Variants in MDGA2 observed in about 807,000 individuals in gnomAD.
The protein encoded by MDGA2 is MAM domain containing glycosylphosphatidylinositol anchor 2.
In MDGA2, 40 loss-of-function variants were observed where a neutral mutation model predicts 117.8. That is an observed-to-expected ratio of 0.34 (90% CI 0.26 to 0.44). The LOEUF is 0.44. Ranked by LOEUF, MDGA2 falls within the 20% of genes least tolerant of loss-of-function variation. The pLI, the probability that MDGA2 is intolerant of heterozygous loss-of-function variation, is 1.00. For synonymous variants in MDGA2, 452 were observed against 439.0 expected (o/e 1.03, Z -0.37); for missense variants, 1,123 against 1,250.6 (o/e 0.90, Z 1.54).
chr14:47,316,779 T>C (rs1594791715), intron 1 of MDGA2, among the ~76,000 whole-genome samples: 1 of 152,092 alleles, frequency 6.6e-6, no homozygotes, highest in East Asian at 1.9e-4. Context: ...AAAAGAAATA[T>C]CCAAACAAGC....
chr14:47,399,431 G>A (rs528296363), intron 1 of MDGA2, among the ~76,000 whole-genome samples: 1 of 152,254 alleles, frequency 6.6e-6, no homozygotes, highest in African/African-American at 2.4e-5. Context: ...AGGAATAATT[G>A]TCCAACATCT....
chr14:47,372,317 AG>A (rs1348143144), intron 1 of MDGA2, among the ~76,000 whole-genome samples: 2 of 151,898 alleles, frequency 1.3e-5, no homozygotes, highest in African/African-American at 4.8e-5. Context: ...AAATATTTGC[AG>A]CACAAATGAT....
intron 1 of MDGA2, among the ~76,000 whole-genome samples, chr14:47,568,570 T>G (rs1238980310): frequency 6.6e-6 from 1 of 152,220 alleles, no homozygotes; most frequent in Non-Finnish European, 1.5e-5. Flanking sequence ...TTTATTCCAA[T>G]TTAAATTTCA....
At chr14:47,312,693 G>GTTTTTTTTTTTTT (rs375332903) in intron 1 of MDGA2, among the ~76,000 whole-genome samples, 1 of 104,364 alleles carries the variant, frequency 9.6e-6, no homozygotes, top group Non-Finnish European at 2.0e-5. Flanking sequence ...TTTTTGTTTT[G>GTTTTTTTTTTTTT]TTTTGTTTTT....
At chr14:47,326,836 T>C (rs1209956099) in intron 1 of MDGA2, among the ~76,000 whole-genome samples, 1 of 152,190 alleles carries the variant, frequency 6.6e-6, no homozygotes, top group Non-Finnish European at 1.5e-5. Context: ...AATAATGTAT[T>C]GTTCCTTCCT....
At chr14:47,034,729 TACACACAC>T (rs59191576) in intron 8 of MDGA2, among the ~76,000 whole-genome samples, 34,265 of 146,756 alleles carry the variant, frequency 0.23, 3,940 homozygotes, top group Admixed American at 0.28. Flanking sequence ...ATAATTATCA[TACACACAC>T]ACACACACAC....
At chr14:46,888,929 T>C (rs1254710921) in intron 10 of MDGA2, among the ~76,000 whole-genome samples, 2 of 152,116 alleles carry the variant, frequency 1.3e-5, no homozygotes, top group East Asian at 3.9e-4. Context: ...ACCATACTGA[T>C]AGTAAAAATA....
intron 6 of MDGA2, among the ~76,000 whole-genome samples, chr14:47,076,944 T>C (rs916201355): frequency 2.6e-5 from 4 of 152,150 alleles, no homozygotes; most frequent in African/African-American, 9.6e-5. Flanking sequence ...TGCACATTTC[T>C]ACTCACCCAT....
At chr14:47,034,045 A>G (rs1379790008) in intron 8 of MDGA2, among the ~76,000 whole-genome samples, 2 of 152,218 alleles carry the variant, frequency 1.3e-5, no homozygotes, top group African/African-American at 4.8e-5. Flanking sequence ...GTTTCACCTA[A>G]TTCATCTGTT....
At chr14:47,028,534 T>G (rs569670827) in intron 8 of MDGA2, among the ~76,000 whole-genome samples, 1 of 152,276 alleles carries the variant, frequency 6.6e-6, no homozygotes, top group African/African-American at 2.4e-5. Context: ...AAAATGAAGT[T>G]TTACTTTGAA....
intron 1 of MDGA2, among the ~76,000 whole-genome samples, chr14:47,330,886 T>A (rs895126072): frequency 3.3e-5 from 5 of 151,888 alleles, no homozygotes; most frequent in Non-Finnish European, 7.4e-5. Flanking sequence ...TAAATTTGTG[T>A]GTTTCAATAA....
intron 3 of MDGA2, among the ~76,000 whole-genome samples, chr14:47,146,052 G>A (rs922672456): frequency 1.3e-5 from 2 of 152,092 alleles, no homozygotes; most frequent in Non-Finnish European, 2.9e-5. Context: ...GAATAGTGAA[G>A]TGTGTGAGCA....
At chr14:46,929,580 C>CGTGTGTGT (rs375013114) in intron 9 of MDGA2, among the ~76,000 whole-genome samples, 17 of 33,000 alleles carry the variant, frequency 5.2e-4, no homozygotes, top group African/African-American at 1.8e-3. Context: ...AGTATATATA[C>CGTGTGTGT]GTGTGTGTGT....
At chr14:46,979,258 T>A (rs1886579455) in intron 8 of MDGA2, among the ~76,000 whole-genome samples, 1 of 152,146 alleles carries the variant, frequency 6.6e-6, no homozygotes, top group Admixed American at 6.6e-5. Flanking sequence ...GTGTTCTGAC[T>A]GCTCTACCAA....
At chr14:47,319,737 C>T in intron 1 of MDGA2, among the ~76,000 whole-genome samples, 1 of 152,140 alleles carries the variant, frequency 6.6e-6, no homozygotes, top group South Asian at 2.1e-4. Context: ...ATAGGAGAAA[C>T]ATACTTTAAA....
At chr14:47,110,166 CA>C (rs5808381) in intron 5 of MDGA2, among the ~76,000 whole-genome samples, 23,409 of 146,660 alleles carry the variant, frequency 0.16, 2,178 homozygotes, top group African/African-American at 0.26. Flanking sequence ...GCACCACTCC[CA>C]AAAAAAAAAA....
At chr14:47,329,039 A>G (rs1352388980) in intron 1 of MDGA2, among the ~76,000 whole-genome samples, 1 of 152,204 alleles carries the variant, frequency 6.6e-6, no homozygotes, top group Non-Finnish European at 1.5e-5. Flanking sequence ...GAAAGCACAT[A>G]AAGCTAATTC....
chr14:47,309,131 A>C (rs1889554020), intron 1 of MDGA2, among the ~76,000 whole-genome samples: 1 of 152,202 alleles, frequency 6.6e-6, no homozygotes, highest in African/African-American at 2.4e-5. Flanking sequence ...AAAAATGGTT[A>C]AAATCTTTCT....
intron 9 of MDGA2, among the ~76,000 whole-genome samples, chr14:46,955,765 G>A (rs1473583904): frequency 8.3e-6 from 1 of 120,680 alleles, no homozygotes; most frequent in Non-Finnish European, 1.6e-5. Flanking sequence ...ACTTTGGGAT[G>A]ACTATACAAA....
Sources: allele counts gnomAD v4.1 joint callset (sites outside exome capture counted in the v4.1 genomes callset), GRCh38; gene constraint gnomAD v4.1.1; transcripts MANE v1.5; gene names NCBI Gene and HGNC (gene_info 2026-07-23, HGNC 2026-07-21).